Variants in TSPAN18 observed in about 807,000 individuals in gnomAD.
TSPAN18 encodes the protein tetraspanin-18.
TSPAN18 carries 14 observed loss-of-function variants against 27.3 expected under a neutral mutation model. The ratio of observed to expected loss-of-function variants is 0.51; its 90% confidence interval spans 0.34 to 0.80. The LOEUF (loss-of-function observed/expected upper bound fraction) is 0.80, where lower values mean the gene tolerates loss of function less well. Among genes scored for constraint, TSPAN18 ranks in the 30% least tolerant of loss-of-function variants. The probability of loss-of-function intolerance (pLI) is 0.01; values close to 1 mark genes in which losing one functional copy is unlikely to be tolerated. For missense variants in TSPAN18, 268 were observed against 323.9 expected, an observed-to-expected ratio of 0.83 and a Z score of 1.32; for synonymous variants, 143 against 136.5, an observed-to-expected ratio of 1.05 and a Z score of -0.33.
chr11:44,894,337 G>C (rs1055412650), intron 3 of TSPAN18, among the ~76,000 whole-genome samples: 2 of 152,178 alleles, frequency 1.3e-5, no homozygotes, highest in African/African-American at 4.8e-5. Context: ...TGGCCACAGC[G>C]CCCTCTCCTG....
Position 44,789,118 on chromosome 11 carries a change from G to A in TSPAN18, c.-153+24606G>A, listed in dbSNP as rs965330757. On this transcript the variant is annotated intron_variant, in intron 2 of 9. Transcript: ENST00000520358. ...CAATAACACCCTCGTGTCAGTCTCT[G>A]GGTTTCATTCACCCAGGGAGAGAGT... Among the ~76,000 whole-genome samples the A allele has an allele frequency of 2.5e-4, 38 of 152,272 alleles. No individual in the cohort carries two copies. The Middle Eastern group carries it at 0.01, about 41-fold the overall frequency.
chr11:44,867,311 C>T (rs1858063701), intron 3 of TSPAN18, among the ~76,000 whole-genome samples: 1 of 150,638 alleles, frequency 6.6e-6, no homozygotes, highest in Non-Finnish European at 1.5e-5. Context: ...GTCTAATACA[C>T]TGCAATGCAT....
chr11:44,774,911 G>T (rs189452772), intron 2 of TSPAN18, among the ~76,000 whole-genome samples: 1 of 152,172 alleles, frequency 6.6e-6, no homozygotes, highest in East Asian at 1.9e-4. Flanking sequence ...AGCCTCCTTC[G>T]TTTCCTGCTT....
chr11:44,858,816 G>A (rs554946175), intron 2 of TSPAN18, among the ~76,000 whole-genome samples: 10 of 152,264 alleles, frequency 6.6e-5, no homozygotes, highest in South Asian at 2.1e-4. Context: ...AACCATGGGC[G>A]ACCCTGGTGA....
intron 2 of TSPAN18, among the ~76,000 whole-genome samples, chr11:44,788,112 G>A (rs1396633703): frequency 6.6e-6 from 1 of 152,182 alleles, no homozygotes; most frequent in East Asian, 1.9e-4. Flanking sequence ...GTTCAGGCGG[G>A]GGCCCAGGAA....
chr11:44,829,056 G>A (rs139606654), intron 2 of TSPAN18, among the ~76,000 whole-genome samples: 4 of 152,100 alleles, frequency 2.6e-5, no homozygotes, highest in African/African-American at 4.8e-5. Flanking sequence ...AAAAATTTAG[G>A]TTTACAAACA....
At chr11:44,818,810 A>G (rs981864659) in intron 2 of TSPAN18, among the ~76,000 whole-genome samples, 1 of 152,206 alleles carries the variant, frequency 6.6e-6, no homozygotes, top group African/African-American at 2.4e-5. Flanking sequence ...TGAGCCTGTC[A>G]TATAAGGGGG....
chr11:44,751,557 A>T (rs763634762), intron 1 of TSPAN18, among the ~76,000 whole-genome samples: 1 of 152,190 alleles, frequency 6.6e-6, no homozygotes, highest in African/African-American at 2.4e-5. Context: ...ACTTTAGGGC[A>T]TCTTAGAAGG....
chr11:44,762,481 T>C (rs1469655283), intron 1 of TSPAN18, among the ~76,000 whole-genome samples: 1 of 152,220 alleles, frequency 6.6e-6, no homozygotes, highest in Non-Finnish European at 1.5e-5. Context: ...AGGGTCTCAC[T>C]CCAGAGCGTT....
chr11:44,815,896 T>TGGCTGGGC (rs1856809663), intron 2 of TSPAN18, among the ~76,000 whole-genome samples: 1 of 152,070 alleles, frequency 6.6e-6, no homozygotes, highest in African/African-American at 2.4e-5. Flanking sequence ...GGAGGCTGGG[T>TGGCTGGGC]GGCTGGGCAG....
chr11:44,800,009 T>TGG lies in TSPAN18; in HGVS notation c.-153+35497_-153+35498insGG, dbSNP rs1565155020. Among the ~76,000 whole-genome samples, 5 of 139,018 alleles carry TGG rather than the reference T, an allele frequency of 3.6e-5. No individual in the cohort carries two copies. In the East Asian group the frequency reaches 6.1e-4, roughly 17 times the overall value. 91.2% of individuals were successfully genotyped at this position (139,018 alleles called of 152,430 possible). ...CCACACCCGGCTAATTTTTTGTGTT[T>TGG]TTTTTTTTTTTTTTTTTTTGTATTT... is the stretch of plus-strand genomic sequence containing the variant. On this transcript the variant is annotated intron_variant, in intron 2 of 9. Coordinates refer to ENST00000520358, the MANE Select transcript of TSPAN18 (RefSeq NM_130783.5).
intron 3 of TSPAN18, among the ~76,000 whole-genome samples, chr11:44,882,231 G>A (rs1590624136): frequency 6.6e-6 from 1 of 152,100 alleles, no homozygotes; most frequent in Non-Finnish European, 1.5e-5. Flanking sequence ...GTGGTCCCTG[G>A]GAAACCCTGT....
intron 2 of TSPAN18, among the ~76,000 whole-genome samples, chr11:44,793,746 G>T (rs538806372): frequency 2.0e-5 from 3 of 152,202 alleles, no homozygotes; most frequent in Non-Finnish European, 4.4e-5. Flanking sequence ...CAAAGCTGGG[G>T]AACGTCCTCC....
At chr11:44,815,813 C>G (rs1184261027) in intron 2 of TSPAN18, among the ~76,000 whole-genome samples, 1 of 152,048 alleles carries the variant, frequency 6.6e-6, no homozygotes, top group Non-Finnish European at 1.5e-5. Flanking sequence ...GCTTGACAGC[C>G]CACCAGCCAT....
chr11:44,924,476 TC>T, intron 8 of TSPAN18, among the ~76,000 whole-genome samples: 1 of 152,158 alleles, frequency 6.6e-6, no homozygotes, highest in African/African-American at 2.4e-5. Flanking sequence ...CAGATACCAC[TC>T]TCCTGGGCCA....
chr11:44,805,658 G>A (rs1856575796), intron 2 of TSPAN18, among the ~76,000 whole-genome samples: 1 of 152,168 alleles, frequency 6.6e-6, no homozygotes, highest in Non-Finnish European at 1.5e-5. Flanking sequence ...CACAAACTGG[G>A]TGGCTCAAAA....
At chr11:44,757,103 T>C (rs777670215) in intron 1 of TSPAN18, among the ~76,000 whole-genome samples, 8 of 152,198 alleles carry the variant, frequency 5.3e-5, no homozygotes, top group Non-Finnish European at 1.0e-4. Context: ...CTTTTGGGTA[T>C]ATACCTAGAA....
chr11:44,747,652 C>T (rs4755287), intron 1 of TSPAN18, among the ~76,000 whole-genome samples: 20,331 of 152,068 alleles, frequency 0.13, 2,675 homozygotes, highest in East Asian at 0.7. Context: ...ATTTATTCTA[C>T]TGTGGGAATT....
intron 2 of TSPAN18, among the ~76,000 whole-genome samples, chr11:44,838,962 C>T (rs1187533074): frequency 6.6e-6 from 1 of 152,152 alleles, no homozygotes; most frequent in African/African-American, 2.4e-5. Flanking sequence ...TAATCAAATC[C>T]TCATCTAGGT....
Sources: gnomAD v4.1 joint callset for allele counts (sites outside exome capture counted in the v4.1 genomes callset) on GRCh38, gnomAD v4.1.1 for gene constraint, MANE v1.5 for transcripts, NCBI Gene and HGNC (gene_info 2026-07-23, HGNC 2026-07-21) for gene names.